MAGI2: variants seen among roughly 807,000 people sequenced by gnomAD.
The protein encoded by MAGI2 is membrane-associated guanylate kinase, WW and PDZ domain-containing protein 2.
Under a neutral mutation model 133.3 loss-of-function variants are expected in MAGI2, and 35 were observed. The ratio of observed to expected loss-of-function variants is 0.26; its 90% CI spans 0.20 to 0.35. The LOEUF is 0.35. Among genes scored for constraint, MAGI2 ranks in the 10% least tolerant of loss-of-function variants. MAGI2 has a pLI of 1.00. For missense variants in MAGI2, 1,636 were observed against 1,863.4 expected (o/e 0.88, Z 2.25); for synonymous variants, 729 against 710.6 (o/e 1.03, Z -0.41).
At chr7:78,555,396 G>A (rs369557672) in intron 3 of MAGI2, among the ~76,000 whole-genome samples, 6 of 152,098 alleles carry the variant, frequency 3.9e-5, no homozygotes, top group East Asian at 3.9e-4. Context: ...AGTTTCATAT[G>A]TAGATGATAA....
At chr7:78,464,499 T>C (rs563906814) in intron 6 of MAGI2, among the ~76,000 whole-genome samples, 3 of 152,262 alleles carry the variant, frequency 2.0e-5, no homozygotes, top group Admixed American at 2.0e-4. Flanking sequence ...TTCCTGAGTT[T>C]CTCATTCTGG....
At chr7:79,102,123 T>C (rs1818038462) in intron 1 of MAGI2, among the ~76,000 whole-genome samples, 1 of 152,154 alleles carries the variant, frequency 6.6e-6, no homozygotes, top group South Asian at 2.1e-4. Context: ...TTTTATTTTA[T>C]TTATTTTTTA....
chr7:78,130,234 G>A (rs536067207), intron 18 of MAGI2, among the ~76,000 whole-genome samples: 2 of 152,238 alleles, frequency 1.3e-5, no homozygotes, highest in African/African-American at 4.8e-5. Flanking sequence ...AGATGTTAAA[G>A]GACTGAGAAA....
chr7:78,674,451 A>T (rs1249363058), intron 2 of MAGI2, among the ~76,000 whole-genome samples: 1 of 151,778 alleles, frequency 6.6e-6, no homozygotes, highest in Admixed American at 6.6e-5. Flanking sequence ...TTAATGCTTC[A>T]AAACTAAACA....
intron 1 of MAGI2, among the ~76,000 whole-genome samples, chr7:79,358,202 C>A (rs1011972648): frequency 2.6e-5 from 4 of 151,998 alleles, no homozygotes; most frequent in Non-Finnish European, 4.4e-5. Flanking sequence ...AACACTTCCC[C>A]CTACCCCTGC....
Position 78,185,471 on chromosome 7 carries a change from A to G in MAGI2, c.2311+158T>C, listed in dbSNP as rs1424596796. 4 of 462,574 alleles carry G rather than the reference A, an allele frequency of 8.6e-6. No homozygotes were observed. The East Asian group carries it at 1.3e-4, about 16-fold the overall frequency. 28.7% of individuals were successfully genotyped at this position (462,574 alleles called of 1,614,324 possible). ...TTGGCAGGCATTTAGGCTCACCATGATGAGACTTGCTGTCTACCTTGAATA... is the reference window on the plus strand; with the variant it reads ...TTGGCAGGCATTTAGGCTCACCATGGTGAGACTTGCTGTCTACCTTGAATA... On this transcript the variant is annotated intron_variant, in intron 13 of 21. Coordinates refer to ENST00000354212, the MANE Select transcript of MAGI2 (RefSeq NM_012301.4).
intron 1 of MAGI2, among the ~76,000 whole-genome samples, chr7:79,431,502 T>G (rs576590107): frequency 1.3e-5 from 2 of 152,214 alleles, no homozygotes; most frequent in Non-Finnish European, 2.9e-5. Context: ...GTATTTTATA[T>G]TCCTTGTATT....
At chr7:78,645,484 T>G (rs1035949596) in intron 2 of MAGI2, among the ~76,000 whole-genome samples, 2 of 152,166 alleles carry the variant, frequency 1.3e-5, no homozygotes, top group African/African-American at 4.8e-5. Context: ...TTACAAAGTA[T>G]GCAAAGTTGA....
intron 21 of MAGI2, among the ~76,000 whole-genome samples, chr7:78,053,207 A>G (rs11764221): frequency 0.18 from 27,077 of 152,256 alleles, 3,477 homozygotes; most frequent in African/African-American, 0.35. Flanking sequence ...AACTAACGCT[A>G]CTTGCAGAAT....
intron 2 of MAGI2, among the ~76,000 whole-genome samples, chr7:78,962,671 A>G (rs1432521141): frequency 6.6e-6 from 1 of 152,014 alleles, no homozygotes; most frequent in African/African-American, 2.4e-5. Context: ...ATTTCTGGAT[A>G]ATATATTGGC....
intron 2 of MAGI2, among the ~76,000 whole-genome samples, chr7:78,693,318 T>C (rs1198208899): frequency 2.0e-5 from 3 of 152,190 alleles, no homozygotes; most frequent in African/African-American, 7.2e-5. Context: ...GTGGCAGTTG[T>C]AGCATTGTAA....
At chr7:78,041,648 A>G (rs976329133) in intron 21 of MAGI2, among the ~76,000 whole-genome samples, 1 of 152,160 alleles carries the variant, frequency 6.6e-6, no homozygotes, top group African/African-American at 2.4e-5. Context: ...GTACTCCAGC[A>G]TGGGTGACAG....
chr7:78,111,592 G>A (rs3807733), intron 20 of MAGI2, among the ~76,000 whole-genome samples: 14,555 of 152,194 alleles, frequency 0.096, 776 homozygotes, highest in African/African-American at 0.11. Flanking sequence ...TCAACACCAC[G>A]CTCTCCCTCA....
At chr7:78,680,139 G>A (rs939938444) in intron 2 of MAGI2, among the ~76,000 whole-genome samples, 1 of 152,040 alleles carries the variant, frequency 6.6e-6, no homozygotes, top group African/African-American at 2.4e-5. Context: ...CTTTCTTGAT[G>A]ACTGTGCCAC....
chr7:78,576,660 T>C (rs1165488371), intron 3 of MAGI2, among the ~76,000 whole-genome samples: 1 of 152,194 alleles, frequency 6.6e-6, no homozygotes, highest in Non-Finnish European at 1.5e-5. Flanking sequence ...TGGGTTTCCT[T>C]CAATTTATTA....
chr7:78,999,265 C>T (rs113446174), intron 2 of MAGI2, among the ~76,000 whole-genome samples: 12,065 of 150,654 alleles, frequency 0.08, 520 homozygotes, highest in African/African-American at 0.11. Flanking sequence ...TATGTGGTTG[C>T]GAAGATCAGT....
In MAGI2 at chr7:78,702,989, G is replaced by C. The variant is rs148321642; in HGVS notation, c.419-75750C>G. Among the ~76,000 whole-genome samples, 701 of 152,088 alleles carry C rather than the reference G, an allele frequency of 4.6e-3. 3 individuals carry two copies. The highest frequency in any genetic ancestry group is 7.9e-3 in the Non-Finnish European group (538 of 67,912). On this transcript the variant is annotated intron_variant, in intron 2 of 21. Coordinates refer to ENST00000354212, the MANE Select transcript of MAGI2 (RefSeq NM_012301.4). ...AGAGTTTGTGGAGAAATCTTGATGA[G>C]TAATGTATGAGGAATAATGTTGGAA... is the stretch of plus-strand genomic sequence containing the variant.
At chr7:78,586,060 G>A (rs938014238) in intron 3 of MAGI2, among the ~76,000 whole-genome samples, 3 of 152,246 alleles carry the variant, frequency 2.0e-5, no homozygotes, top group Non-Finnish European at 2.9e-5. Flanking sequence ...AATGATGACC[G>A]AGTGCACCAA....
intron 4 of MAGI2, among the ~76,000 whole-genome samples, chr7:78,510,473 T>G (rs1419542400): frequency 6.6e-6 from 1 of 152,246 alleles, no homozygotes. Flanking sequence ...ATAGAGTAGT[T>G]AAATTGGTCA....
Sources: allele counts gnomAD v4.1 joint callset (sites outside exome capture counted in the v4.1 genomes callset), GRCh38; gene constraint gnomAD v4.1.1; transcripts MANE v1.5; gene names NCBI Gene and HGNC (gene_info 2026-07-23, HGNC 2026-07-21).